Variants in TRIM22 observed in about 807,000 individuals in gnomAD.
TRIM22 encodes tripartite motif containing 22, also known as E3 ubiquitin-protein ligase TRIM22.
Under a neutral mutation model 53.6 loss-of-function variants are expected in TRIM22, and 45 were observed. The ratio of observed to expected loss-of-function variants is 0.84; its 90% CI spans 0.66 to 1.08. The LOEUF (loss-of-function observed/expected upper bound fraction) is 1.08. Ranked by LOEUF, TRIM22 falls within the 50% of genes least tolerant of loss-of-function variation. The probability of loss-of-function intolerance (pLI) is 0.00; values close to 1 mark genes in which losing one functional copy is unlikely to be tolerated. For missense variants in TRIM22, 616 were observed against 590.9 expected (o/e 1.04, Z -0.44); for synonymous variants, 225 against 216.6 (o/e 1.04, Z -0.34).
intron 4 of TRIM22, among the ~76,000 whole-genome samples, chr11:5,700,354 A>G (rs1386378470): frequency 6.6e-6 from 1 of 152,102 alleles, no homozygotes; most frequent in Non-Finnish European, 1.5e-5. Flanking sequence ...AGCTCAGGCA[A>G]TCTGCCCGCC....
At position 5,709,765 on chromosome 11, in the gene TRIM22, T is replaced by TCTA; in HGVS notation, c.*117_*118insCTA. 1 of 910,928 alleles carries TCTA rather than the reference T, an allele frequency of 1.1e-6. No homozygotes were observed. Among genetic ancestry groups the TCTA allele is most frequent in the Non-Finnish European group, 1.7e-6 (1 of 600,090 alleles). The allele number at this position is 910,928 out of a possible 1,614,324, so 56.4% of individuals were successfully genotyped here. ...TTCCTTTCTTTCCCCTTCTTTTACT[T>TCTA]AGAATGTCTTTGTATTCATTTGCTA... On this transcript the variant is annotated 3_prime_UTR_variant, in exon 8 of 8. Transcript: ENST00000379965.
At chr11:5,708,383 G>A in intron 6 of TRIM22, 110 bp downstream of exon 6, 1 of 1,099,898 alleles carries the variant, frequency 9.1e-7, no homozygotes, top group Non-Finnish European at 1.3e-6. Flanking sequence ...GTGGGCCAGA[G>A]AAGGAGGAAA....
At position 5,698,341 on chromosome 11, in the gene TRIM22, G is replaced by C. The variant is rs777770193; in HGVS notation, c.546G>C (p.Lys182Asn). The change falls in exon 4 of 8, where the codon AAG (lysine) becomes AAC (asparagine). Residue 182 changes from lysine (K) to asparagine (N), a missense_variant. Transcript: ENST00000379965. Reference sequence around the variant, plus strand: ...ATTATATCCAGATCGAGAGACAGAAGATTCTGAAAGGGTTCAATGAAATGA... The same window carrying C: ...ATTATATCCAGATCGAGAGACAGAACATTCTGAAAGGGTTCAATGAAATGA... ...WKNYIQIERQ[K>N]ILKGFNEMRV... 6.8e-6 allele frequency: 11 copies of C among 1,614,196 alleles called. No individual in the cohort carries two copies. In the South Asian group the frequency reaches 1.1e-4, roughly 16 times the overall value.
chr11:5,696,063 C>T, intron 1 of TRIM22, 104 bp from the exon 2 acceptor site: 1 of 541,562 alleles, frequency 1.8e-6, no homozygotes, highest in Non-Finnish European at 3.1e-6. Flanking sequence ...TTCTTTTCTC[C>T]TTTCTCTGTT....
intron 6 of TRIM22, 96 bp downstream of exon 6, chr11:5,708,369 G>C: frequency 8.4e-7 from 1 of 1,187,052 alleles, no homozygotes; most frequent in Non-Finnish European, 1.2e-6. Context: ...ATATAGGAGA[G>C]GAGGTGGGCC....
At chr11:5,693,079 G>A (rs572885005) in intron 1 of TRIM22, among the ~76,000 whole-genome samples, 1 of 151,300 alleles carries the variant, frequency 6.6e-6, no homozygotes, top group South Asian at 2.1e-4. Context: ...TAGATACGGG[G>A]TCTCACCATA....
chr11:5,699,787 T>G lies in TRIM22; in HGVS notation c.750+1242T>G, dbSNP rs183312952. ...GAACATAATGGTATCTCAATGCAGT[T>G]TTGATTTGCTTTTTCCTAATAACTA... On this transcript the variant is annotated intron_variant, in intron 4 of 7. Transcript: ENST00000379965. Among the ~76,000 whole-genome samples, 625 of 151,328 alleles carry G rather than the reference T, an allele frequency of 4.1e-3. 3 individuals are homozygous for G. Among genetic ancestry groups the G allele is most frequent in the Non-Finnish European group, 7.2e-3 (487 of 67,830 alleles).
chr11:5,706,399 C>T (rs1367964191), intron 4 of TRIM22, among the ~76,000 whole-genome samples, 195 bp from the exon 5 acceptor site: 2 of 152,130 alleles, frequency 1.3e-5, no homozygotes, highest in East Asian at 1.9e-4. Context: ...AGACAAAATA[C>T]AGGATGCTCA....
At position 5,693,797 on chromosome 11, in the gene TRIM22, T is replaced by C. The variant is rs551568858; in HGVS notation, c.-66-2370T>C. On this transcript the variant is annotated intron_variant, in intron 1 of 7. Transcript: ENST00000379965. ...TTGTATTAGTTTTCTAGAGCTGTCA[T>C]AGAAAAAGTACCAAAAGTGGTTGGC... 3.8e-4 allele frequency among the ~76,000 whole-genome samples: 57 copies of C among 149,812 alleles called. No homozygotes were observed. The South Asian group carries it at 5.6e-3, about 15-fold the overall frequency.
At position 5,708,241 on chromosome 11, in the gene TRIM22, C is replaced by T; in HGVS notation, c.842C>T (p.Pro281Leu). Residue 281 changes from proline (P) to leucine (L), a missense_variant, in exon 6 of 8, where the codon CCA becomes CTA. Transcript: ENST00000379965. Reference protein sequence around the residue: ...SKKLKSVFRVPDLSGMLQVLK... With the variant: ...SKKLKSVFRVLDLSGMLQVLK... The stretch of plus-strand genomic sequence containing the variant: ...AAACTAAAGAGTGTATTCCGAGTAC[C>T]AGATCTGAGTGGGATGCTGCAAGTT... 1 of 1,614,128 alleles carries T rather than the reference C, an allele frequency of 6.2e-7. No individual in the cohort carries two copies. Among genetic ancestry groups the T allele is most frequent in the South Asian group, 1.1e-5 (1 of 91,084 alleles).
Position 5,692,319 on chromosome 11 carries a change from GC to G in TRIM22, c.-67+2421del, listed in dbSNP as rs548472579. Among the ~76,000 whole-genome samples, 532 of 152,328 alleles carry G rather than the reference GC, an allele frequency of 3.5e-3. 11 individuals are homozygous for G. Among genetic ancestry groups the G allele is most frequent in the African/African-American group, 0.012 (515 of 41,584 alleles). ...TCTCACTGTGAGACAATGATTTTGA[GC>G]AGTCTTCAATAAAATGATGGATTTA... is the stretch of plus-strand genomic sequence containing the variant. On this transcript the variant is annotated intron_variant, in intron 1 of 7. Transcript: ENST00000379965.
rs779145240 is a variant in TRIM22, at chr11:5,696,447, G to A, written c.215G>A (p.Arg72Gln). Residue 72 changes from arginine to glutamine, a missense_variant, in exon 2 of 8, where the codon CGG (arginine) becomes CAG (glutamine). By Grantham distance (43) the Arg-to-Gln change is conservative. Transcript: ENST00000379965. ...CAGCCTGGGAACCTCCGACCTAATCGGCATCTGGCCAACATAGTTGAGAGA... is the reference window on the plus strand; with the variant it reads ...CAGCCTGGGAACCTCCGACCTAATCAGCATCTGGCCAACATAGTTGAGAGA... ...RFQPGNLRPN[R>Q]HLANIVERVK... 28 of 1,614,084 alleles carry A rather than the reference G, an allele frequency of 1.7e-5. 1 individual carries two copies. In the East Asian group the frequency reaches 2.4e-4, roughly 14 times the overall value.
intron 6 of TRIM22, 111 bp downstream of exon 6, chr11:5,708,384 A>G (rs889318391): frequency 5.5e-6 from 6 of 1,087,524 alleles, no homozygotes; most frequent in Non-Finnish European, 8.1e-6. Context: ...TGGGCCAGAG[A>G]AGGAGGAAAA....
At position 5,710,761 on chromosome 11, in the gene TRIM22, T is replaced by C. The variant is rs964606102; in HGVS notation, c.*1113T>C. 1 of 152,190 alleles carries C rather than the reference T, an allele frequency of 6.6e-6. No individual in the cohort carries two copies. Among genetic ancestry groups the C allele is most frequent in the Non-Finnish European group, 1.5e-5 (1 of 68,022 alleles). 9.4% of individuals were successfully genotyped at this position (152,190 alleles called of 1,614,324 possible). On this transcript the variant is annotated 3_prime_UTR_variant, in exon 8 of 8. Transcript: ENST00000379965. ...TTAAATATAAAAATAAATATTGTTC[T>C]GATTATTACTGAAAAGATGTCAGCC...
chr11:5,708,713 GT>G, intron 7 of TRIM22, 110 bp downstream of exon 7: 2 of 686,736 alleles, frequency 2.9e-6, no homozygotes, highest in Non-Finnish European at 4.4e-6. Flanking sequence ...AAACCATGTA[GT>G]TCTTTTTTTT....
chr11:5,709,475 C>G lies in TRIM22; in HGVS notation c.1324C>G (p.Arg442Gly). 1 of 1,614,146 alleles carries G rather than the reference C, an allele frequency of 6.2e-7. No individual in the cohort carries two copies. The highest frequency in any genetic ancestry group is 1.1e-5 in the South Asian group (1 of 91,082). The change falls in exon 8 of 8, where the codon CGT becomes GGT. Residue 442 changes from arginine to glycine, a missense_variant. Arg to Gly is a moderately radical substitution (Grantham distance 125, BLOSUM62 -2). Coordinates refer to ENST00000379965, the MANE Select transcript of TRIM22 (RefSeq NM_006074.5). The stretch of plus-strand genomic sequence containing the variant: ...TCTCTTTATGGCTGTGCCTCCCTGT[C>G]GTATTGGGGTTTTCCTAGACTATGA... ...LTLFMAVPPCRIGVFLDYEAG... is the reference protein window; with the variant it reads ...LTLFMAVPPCGIGVFLDYEAG...
intron 4 of TRIM22, among the ~76,000 whole-genome samples, chr11:5,705,859 G>T (rs1460443093): frequency 6.6e-6 from 1 of 152,080 alleles, no homozygotes; most frequent in African/African-American, 2.4e-5. Context: ...TCAGTTACTT[G>T]GTCCTGTGGC....
rs759755352 is a variant in TRIM22, at chr11:5,708,610, T to C, written c.901+7T>C. ...GATGTCCAGTACTACTGGGGTAAGA[T>C]GATATGGGGTTTTCAAATCACTTCC... is the stretch of plus-strand genomic sequence containing the variant. On this transcript the variant is annotated splice_region_variant and intron_variant, in intron 7 of 7. Coordinates refer to ENST00000379965, the MANE Select transcript of TRIM22 (RefSeq NM_006074.5). 5.0e-6 allele frequency: 8 copies of C among 1,605,574 alleles called. No individual in the cohort carries two copies. The highest frequency in any genetic ancestry group is 4.5e-5 in the East Asian group (2 of 44,800).
intron 7 of TRIM22, 21 bp downstream of exon 7, chr11:5,708,624 C>T: frequency 6.2e-7 from 1 of 1,601,978 alleles, no homozygotes; most frequent in Non-Finnish European, 8.5e-7. Context: ...ATGGGGTTTT[C>T]AAATCACTTC....
Sources: gnomAD v4.1 joint callset for allele counts (sites outside exome capture counted in the v4.1 genomes callset) on GRCh38, gnomAD v4.1.1 for gene constraint, MANE v1.5 for transcripts, NCBI Gene and HGNC (gene_info 2026-07-23, HGNC 2026-07-21) for gene names.